The following PGBD5 variants were observed in gnomAD, a reference collection of about 807,000 sequenced individuals.
PGBD5 encodes the protein piggyBac transposable element derived 5.
Under a neutral mutation model 47.9 loss-of-function variants are expected in PGBD5, and 14 were observed. The observed-to-expected ratio is 0.29, with a 90% CI of 0.19 to 0.46. The LOEUF (loss-of-function observed/expected upper bound fraction) is 0.46, where lower values mean the gene tolerates loss of function less well. PGBD5 is among the 20% of genes least tolerant of loss of function. PGBD5 has a pLI of 1.00. For missense variants in PGBD5, 635 were observed against 716.0 expected, an observed-to-expected ratio of 0.89 and a Z score of 1.29; for synonymous variants, 316 against 306.3, an observed-to-expected ratio of 1.03 and a Z score of -0.33.
intron 1 of PGBD5, among the ~76,000 whole-genome samples, chr1:230,388,205 C>G (rs925938299): frequency 1.3e-5 from 2 of 152,192 alleles, no homozygotes; most frequent in African/African-American, 4.8e-5. Context: ...GGAGACTCGA[C>G]ACAGGGTGGC....
intron 1 of PGBD5, among the ~76,000 whole-genome samples, chr1:230,373,128 T>C (rs895605724): frequency 4.6e-5 from 7 of 151,978 alleles, no homozygotes; most frequent in Non-Finnish European, 8.8e-5. Context: ...TGCCAGTGAG[T>C]AGGGTTACAA....
At chr1:230,407,115 G>A (rs1431271583) in intron 1 of PGBD5, among the ~76,000 whole-genome samples, 3 of 152,192 alleles carry the variant, frequency 2.0e-5, no homozygotes, top group East Asian at 1.9e-4. Context: ...GATTACAGGC[G>A]TGAACCACCA....
At chr1:230,416,173 A>G (rs1334499493) in intron 1 of PGBD5, among the ~76,000 whole-genome samples, 1 of 152,156 alleles carries the variant, frequency 6.6e-6, no homozygotes, top group Non-Finnish European at 1.5e-5. Context: ...TCAAGACTGT[A>G]TTAAATTCCC....
Position 230,357,789 on chromosome 1 carries a change from T to C in PGBD5, c.332-468A>G, listed in dbSNP as rs903230934. Among the ~76,000 whole-genome samples the C allele has an allele frequency of 1.3e-5, 2 of 152,218 alleles. No homozygotes were observed. The highest frequency in any genetic ancestry group is 2.9e-5 in the Non-Finnish European group (2 of 68,050). On this transcript the variant is annotated intron_variant, in intron 1 of 6. Coordinates refer to ENST00000391860, the MANE Select transcript of PGBD5 (RefSeq NM_001258311.2). The surrounding 1 kb of genome is among the most constrained non-coding windows in gnomAD (Gnocchi z 5.7). Reference sequence around the variant, plus strand: ...AGATGTACACACACACATAAATGTATATGTTTAAATATATATATCATATAA... The same window carrying C: ...AGATGTACACACACACATAAATGTACATGTTTAAATATATATATCATATAA...
chr1:230,364,737 C>T (rs1411338622), intron 1 of PGBD5, among the ~76,000 whole-genome samples: 1 of 152,250 alleles, frequency 6.6e-6, no homozygotes, highest in Admixed American at 6.5e-5. Flanking sequence ...TAAATAAAAG[C>T]TGGCCAGGCG....
chr1:230,378,587 C>T (rs1558205132), intron 1 of PGBD5, among the ~76,000 whole-genome samples: 1 of 151,884 alleles, frequency 6.6e-6, no homozygotes, highest in Admixed American at 6.6e-5. Flanking sequence ...GAAGGTGCCA[C>T]CTCTCTCTCC....
At chr1:230,377,085 G>A (rs1490905146) in intron 1 of PGBD5, among the ~76,000 whole-genome samples, 1 of 152,202 alleles carries the variant, frequency 6.6e-6, no homozygotes, top group Non-Finnish European at 1.5e-5. Context: ...AGGTCAGTCT[G>A]GCTGGGTGCA....
intron 4 of PGBD5, among the ~76,000 whole-genome samples, chr1:230,335,844 C>CACACAGTCACAA (rs1553282100): frequency 8.1e-6 from 1 of 122,798 alleles, no homozygotes. Context: ...CATACACACA[C>CACACAGTCACAA]AGACACACAG....
intron 1 of PGBD5, among the ~76,000 whole-genome samples, chr1:230,378,526 G>A (rs1417596785): frequency 6.6e-6 from 1 of 152,170 alleles, no homozygotes; most frequent in Non-Finnish European, 1.5e-5. Context: ...CAGTAGTATA[G>A]CTTGGAGATG....
intron 1 of PGBD5, among the ~76,000 whole-genome samples, chr1:230,419,576 C>A (rs1168767380): frequency 6.6e-6 from 1 of 151,900 alleles, no homozygotes; most frequent in African/African-American, 2.4e-5. Context: ...AAAGTAAATA[C>A]AAAATAAAAT....
intron 1 of PGBD5, among the ~76,000 whole-genome samples, chr1:230,411,587 G>A (rs374480918): frequency 5.0e-4 from 76 of 152,150 alleles, no homozygotes; most frequent in African/African-American, 1.8e-3. Flanking sequence ...AGGCAATTAA[G>A]AAATAATAAA....
rs1024888435 is a variant in PGBD5 at position 230,357,653 on chromosome 1, G to C, written c.332-332C>G. Among the ~76,000 whole-genome samples, 4 of 152,192 alleles carry C rather than the reference G, an allele frequency of 2.6e-5. No individual in the cohort carries two copies. The highest frequency in any genetic ancestry group is 9.7e-5 in the African/African-American group (4 of 41,450). On this transcript the variant is annotated intron_variant, in intron 1 of 6. Coordinates refer to ENST00000391860, the MANE Select transcript of PGBD5 (RefSeq NM_001258311.2). The surrounding 1 kb of genome is among the most constrained non-coding windows in gnomAD (Gnocchi z 5.7). ...CATCTCCACACCAGACCGGAGGACA[G>C]CCCTCGGGGGGCGCAGTCACGTGGA... is the stretch of plus-strand genomic sequence containing the variant.
rs1179043079 is a variant in PGBD5 at position 230,317,573 on chromosome 1, C to A, written c.*5852G>T. ...CGCACCAAGAACAGAGGTGCGCTGC[C>A]GGGGGCTGACCCTTGGGGAGGGGAG... is the stretch of plus-strand genomic sequence containing the variant. On this transcript the variant is annotated 3_prime_UTR_variant, in exon 7 of 7. Transcript: ENST00000391860. 6.6e-6 allele frequency: 1 copy of A among 152,118 alleles called. No homozygotes were observed. Among genetic ancestry groups the A allele is most frequent in the Non-Finnish European group, 1.5e-5 (1 of 68,018 alleles). 9.4% of individuals were successfully genotyped at this position (152,118 alleles called of 1,614,324 possible).
intron 3 of PGBD5, among the ~76,000 whole-genome samples, chr1:230,346,647 G>A (rs1035919523): frequency 2.0e-5 from 3 of 152,004 alleles, no homozygotes; most frequent in African/African-American, 7.3e-5. Context: ...TAAAACATTG[G>A]GTGTCTTGGT....
chr1:230,334,250 T>G (rs2102816316), intron 4 of PGBD5, among the ~76,000 whole-genome samples: 1 of 152,272 alleles, frequency 6.6e-6, no homozygotes, highest in South Asian at 2.1e-4. Context: ...GCAGCTCCAT[T>G]CCTAGCAACC....
At chr1:230,389,795 A>G (rs919816213) in intron 1 of PGBD5, among the ~76,000 whole-genome samples, 1 of 152,260 alleles carries the variant, frequency 6.6e-6, no homozygotes, top group Non-Finnish European at 1.5e-5. Flanking sequence ...ACTGGTCAAC[A>G]GCAACTCAAC....
At chr1:230,375,560 A>C (rs1263087311) in intron 1 of PGBD5, among the ~76,000 whole-genome samples, 1 of 152,030 alleles carries the variant, frequency 6.6e-6, no homozygotes, top group East Asian at 1.9e-4. Flanking sequence ...ATAACTCAGC[A>C]TCTTCCTAAT....
At chr1:230,372,452 T>C (rs1466825958) in intron 1 of PGBD5, among the ~76,000 whole-genome samples, 2 of 152,176 alleles carry the variant, frequency 1.3e-5, no homozygotes, top group Non-Finnish European at 2.9e-5. Flanking sequence ...AAGCCATACC[T>C]AGCAACATGC....
At chr1:230,362,928 G>T (rs76401169) in intron 1 of PGBD5, among the ~76,000 whole-genome samples, 1,765 of 152,200 alleles carry the variant, frequency 0.012, 36 homozygotes, top group African/African-American at 0.04. Flanking sequence ...GAGTGGGTGG[G>T]TGGGACGAGT....
Sources: allele counts gnomAD v4.1 joint callset (sites outside exome capture counted in the v4.1 genomes callset), GRCh38; gene constraint gnomAD v4.1.1; non-coding constraint Gnocchi (gnomAD v3.1); transcripts MANE v1.5; gene names NCBI Gene and HGNC (gene_info 2026-07-23, HGNC 2026-07-21).